CFAP61: variants seen among roughly 807,000 people sequenced by gnomAD.
CFAP61 encodes cilia- and flagella-associated protein 61.
Under a neutral mutation model 135.6 loss-of-function variants are expected in CFAP61, and 107 were observed. The observed-to-expected ratio is 0.79, with a 90% CI of 0.67 to 0.93. CFAP61 has a LOEUF of 0.93. Ranked by LOEUF, CFAP61 falls within the 40% of genes least tolerant of loss-of-function variation. The pLI is 0.00. For synonymous variants in CFAP61, 575 were observed against 578.5 expected (o/e 0.99, Z 0.09); for missense variants, 1,507 against 1,556.2 (o/e 0.97, Z 0.53).
intron 8 of CFAP61, among the ~76,000 whole-genome samples, chr20:20,111,149 A>G (rs1045094250): frequency 2.0e-5 from 3 of 152,198 alleles, no homozygotes; most frequent in Non-Finnish European, 4.4e-5. Flanking sequence ...TAAAATTAAT[A>G]TTATTTTGTT....
chr20:20,131,216 T>A (rs2050502393), intron 8 of CFAP61, among the ~76,000 whole-genome samples: 1 of 151,786 alleles, frequency 6.6e-6, no homozygotes, highest in Non-Finnish European at 1.5e-5. Context: ...GCTGTGTATT[T>A]GTTTTTGTTT....
intron 16 of CFAP61, among the ~76,000 whole-genome samples, chr20:20,199,238 TTTGTTG>T (rs3060485): frequency 3.4e-4 from 52 of 151,972 alleles, no homozygotes; most frequent in African/African-American, 1.1e-3. Context: ...TAAAACAGTT[TTTGTTG>T]TTGTTGTTGT....
Position 20,344,470 on chromosome 20 carries a change from G to GA in CFAP61, c.3513+2549_3513+2550insA, listed in dbSNP as rs553896494. Among the ~76,000 whole-genome samples the GA allele has an allele frequency of 5.9e-5, 9 of 152,296 alleles. No individual in the cohort carries two copies. The South Asian group carries it at 1.7e-3, about 28-fold the overall frequency. ...TTTATTTTCTCAAATATTGAAATGA[G>GA]GTACAAATGGCCAACAGGTATATGA... On this transcript the variant is annotated intron_variant, in intron 26 of 26. Transcript: ENST00000245957.
At chr20:20,128,317 A>G (rs1300486889) in intron 8 of CFAP61, among the ~76,000 whole-genome samples, 3 of 151,750 alleles carry the variant, frequency 2.0e-5, no homozygotes, top group Non-Finnish European at 4.4e-5. Flanking sequence ...GGTGCCAGGC[A>G]GGAATGGCCT....
At chr20:20,092,521 A>G (rs1056636989) in intron 7 of CFAP61, among the ~76,000 whole-genome samples, 2 of 152,224 alleles carry the variant, frequency 1.3e-5, no homozygotes, top group African/African-American at 4.8e-5. Context: ...GCTTTGTTCT[A>G]CATCAGTGGT....
At chr20:20,064,036 C>CCCA (rs1236324936) in intron 2 of CFAP61, among the ~76,000 whole-genome samples, 1 of 116,712 alleles carries the variant, frequency 8.6e-6, no homozygotes, top group East Asian at 2.5e-4. Flanking sequence ...AGAGTAACCG[C>CCCA]CCCCCACCCC....
At chr20:20,327,777 C>CAAATAAAAAAAAAA (rs2057807393) in intron 25 of CFAP61, among the ~76,000 whole-genome samples, 1 of 60,344 alleles carries the variant, frequency 1.7e-5, no homozygotes, top group African/African-American at 6.3e-5. Context: ...AAGAGCCTGT[C>CAAATAAAAAAAAAA]AAAAAAAAAA....
At chr20:20,186,344 C>T (rs1451226250) in intron 13 of CFAP61, among the ~76,000 whole-genome samples, 1 of 152,202 alleles carries the variant, frequency 6.6e-6, no homozygotes. Context: ...TTGGAGTATG[C>T]ATCAGTACTT....
At chr20:20,102,865 T>A (rs888261639) in intron 8 of CFAP61, among the ~76,000 whole-genome samples, 2 of 152,124 alleles carry the variant, frequency 1.3e-5, no homozygotes, top group Non-Finnish European at 2.9e-5. Context: ...CTCAACCCTT[T>A]CAAGCAGAAT....
intron 2 of CFAP61, among the ~76,000 whole-genome samples, chr20:20,058,101 A>G (rs1568793142): frequency 6.6e-6 from 1 of 152,236 alleles, no homozygotes; most frequent in African/African-American, 2.4e-5. Context: ...CATATCAAAT[A>G]CAATTGAAAT....
chr20:20,216,158 A>T (rs527721750), intron 17 of CFAP61, among the ~76,000 whole-genome samples: 2 of 152,212 alleles, frequency 1.3e-5, no homozygotes, highest in African/African-American at 4.8e-5. Context: ...AGTGGGTTTC[A>T]TGTGTTGCTG....
intron 12 of CFAP61, among the ~76,000 whole-genome samples, chr20:20,167,854 C>T (rs1003854044): frequency 2.0e-5 from 3 of 152,134 alleles, no homozygotes; most frequent in African/African-American, 7.2e-5. Flanking sequence ...CAAGAGGAGG[C>T]GAGATCCCAA....
At position 20,137,055 on chromosome 20, in the gene CFAP61, T is replaced by C. The variant is rs993951530; in HGVS notation, c.860-5802T>C. Among the ~76,000 whole-genome samples, 10 of 152,344 alleles carry C rather than the reference T, an allele frequency of 6.6e-5. No homozygotes were observed. In the East Asian group the frequency reaches 1.9e-3, roughly 29 times the overall value. On this transcript the variant is annotated intron_variant, in intron 8 of 26. Transcript: ENST00000245957. ...TTGGATAAGATCCAGAAGAATACTCTGGATTACCAGGCAGAGACTCTTATT... is the reference window on the plus strand; with the variant it reads ...TTGGATAAGATCCAGAAGAATACTCCGGATTACCAGGCAGAGACTCTTATT...
At chr20:20,143,939 A>T (rs181797187) in intron 9 of CFAP61, among the ~76,000 whole-genome samples, 1 of 152,344 alleles carries the variant, frequency 6.6e-6, no homozygotes, top group East Asian at 1.9e-4. Context: ...CCATGCCTGT[A>T]CAAAGTTAGG....
At chr20:20,060,309 C>G (rs1158563143) in intron 2 of CFAP61, among the ~76,000 whole-genome samples, 1 of 152,058 alleles carries the variant, frequency 6.6e-6, no homozygotes, top group Non-Finnish European at 1.5e-5. Context: ...CCAATAAACT[C>G]TGAATGGAGG....
At chr20:20,247,771 C>G (rs1430591320) in intron 19 of CFAP61, among the ~76,000 whole-genome samples, 1 of 152,160 alleles carries the variant, frequency 6.6e-6, no homozygotes, top group East Asian at 1.9e-4. Flanking sequence ...CCAGCCTCCT[C>G]GATGTTCCTC....
intron 22 of CFAP61, among the ~76,000 whole-genome samples, chr20:20,280,707 A>G (rs919409838): frequency 1.3e-5 from 2 of 152,128 alleles, no homozygotes; most frequent in South Asian, 2.1e-4. Flanking sequence ...CTTTGTGTGG[A>G]TAATATTTTT....
At chr20:20,141,148 T>C (rs1439639321) in intron 8 of CFAP61, among the ~76,000 whole-genome samples, 1 of 152,188 alleles carries the variant, frequency 6.6e-6, no homozygotes, top group Non-Finnish European at 1.5e-5. Flanking sequence ...CTTGAACTCC[T>C]GACCTCAGGT....
At chr20:20,056,550 G>T (rs2044350313) in intron 1 of CFAP61, 68 bp from the exon 2 acceptor site, 1 of 1,088,156 alleles carries the variant, frequency 9.2e-7, no homozygotes, top group South Asian at 1.5e-5. Context: ...CTGACCACAT[G>T]GAAATTGAAT....
Sources: gnomAD v4.1 joint callset for allele counts (sites outside exome capture counted in the v4.1 genomes callset) on GRCh38, gnomAD v4.1.1 for gene constraint, MANE v1.5 for transcripts, NCBI Gene and HGNC (gene_info 2026-07-23, HGNC 2026-07-21) for gene names.